Variants in CCDC12 observed in about 807,000 individuals in gnomAD.
CCDC12 encodes coiled-coil domain-containing protein 12.
CCDC12 carries 28 observed loss-of-function variants against 25.7 expected under a neutral mutation model. The ratio of observed to expected loss-of-function variants is 1.09; its 90% CI spans 0.81 to 1.50. The LOEUF is 1.50. Among genes scored for constraint, CCDC12 ranks in the 40% most tolerant of loss-of-function variants. The probability of loss-of-function intolerance (pLI) is 0.00; values close to 1 mark genes in which losing one functional copy is unlikely to be tolerated. For synonymous variants in CCDC12, 75 were observed against 87.7 expected (o/e 0.86, Z 0.81); for missense variants, 198 against 210.0 (o/e 0.94, Z 0.35).
intron 1 of CCDC12, among the ~76,000 whole-genome samples, chr3:46,949,816 C>T (rs904027927): frequency 5.9e-5 from 9 of 152,094 alleles, no homozygotes; most frequent in Admixed American, 3.3e-4. Context: ...ATCATAAGGT[C>T]AGGAGTTCGA....
intron 2 of CCDC12, among the ~76,000 whole-genome samples, chr3:46,939,984 C>A (rs556237166): frequency 6.6e-6 from 1 of 152,170 alleles, no homozygotes; most frequent in South Asian, 2.1e-4. Flanking sequence ...AAGATCTACA[C>A]CCCCCTGTGC....
chr3:46,925,019 C>G, intron 3 of CCDC12: 1 of 347,576 alleles, frequency 2.9e-6, no homozygotes, highest in South Asian at 2.2e-5. Flanking sequence ...TCTCCCCTGC[C>G]TCAGTGCTCC....
intron 2 of CCDC12, among the ~76,000 whole-genome samples, chr3:46,932,572 C>G (rs917061119): frequency 8.5e-5 from 13 of 152,190 alleles, no homozygotes; most frequent in Admixed American, 6.5e-4. Flanking sequence ...CAGCCCACCC[C>G]AAGCCTCCTG....
rs2032803510 is a variant in CCDC12, at chr3:46,923,663, C to A, written c.250G>T (p.Glu84Ter). ...GCCTCCAGCTGCTCCTTCACCTTCT[C>A]CTCCACTAGAGGGTGCAATTAAACA... ...VPQAKPVAVEEKVKEQLEAAK... is the reference protein window; with the variant it reads ...VPQAKPVAVE The change falls in exon 4 of 7, where the codon GAG becomes TAG. Residue 84 changes from glutamate to a stop codon, truncating the protein, a stop_gained. Transcript: ENST00000683445. LOFTEE classifies it high-confidence loss of function. The A allele has an allele frequency of 2.6e-6, 4 of 1,562,312 alleles. No homozygotes were observed. The highest frequency in any genetic ancestry group is 3.5e-6 in the Non-Finnish European group (4 of 1,154,282).
chr3:46,978,747 G>A (rs970869644), upstream of CCDC12, among the ~76,000 whole-genome samples: 1 of 151,998 alleles, frequency 6.6e-6, no homozygotes, highest in Non-Finnish European at 1.5e-5. Flanking sequence ...ACTTTGGGAG[G>A]TCGAGGCGGG....
Position 46,922,048 on chromosome 3 carries a change from G to C in CCDC12, c.*9C>G. ...GGCCTGATGGGCGAGTGGTGGGGCA[G>C]GGCATGCCTCAGTCGGAGTCACAGG... On this transcript the variant is annotated 3_prime_UTR_variant, in exon 7 of 7. Coordinates refer to ENST00000683445, the MANE Select transcript of CCDC12 (RefSeq NM_001277074.2). 6.2e-7 allele frequency: 1 copy of C among 1,613,574 alleles called. No individual in the cohort carries two copies. The highest frequency in any genetic ancestry group is 1.1e-5 in the South Asian group (1 of 91,054).
At chr3:46,975,716 A>G (rs1236718655) in intron 1 of CCDC12, among the ~76,000 whole-genome samples, 1 of 150,870 alleles carries the variant, frequency 6.6e-6, no homozygotes, top group Non-Finnish European at 1.5e-5. Flanking sequence ...TATTTTTAGT[A>G]GAGACAGAGT....
At chr3:46,978,526 C>T (rs1351132640), upstream of CCDC12, among the ~76,000 whole-genome samples, 6 of 141,172 alleles carry the variant, frequency 4.3e-5, no homozygotes, top group Non-Finnish European at 9.3e-5. Context: ...ACCATCACCC[C>T]GTGCCCCTTT....
chr3:46,946,260 G>C (rs4683285), intron 1 of CCDC12, among the ~76,000 whole-genome samples: 143,909 of 152,324 alleles, frequency 0.94, 68,549 homozygotes, highest in East Asian at 1. Flanking sequence ...GAACCCTATC[G>C]TCAAGAATCT....
intron 2 of CCDC12, among the ~76,000 whole-genome samples, chr3:46,937,954 G>C (rs1336158124): frequency 6.6e-6 from 1 of 152,124 alleles, no homozygotes; most frequent in East Asian, 1.9e-4. Flanking sequence ...AGGCTTCCTG[G>C]CAACCAAGGG....
At chr3:46,936,240 G>T (rs1394259054) in intron 2 of CCDC12, among the ~76,000 whole-genome samples, 3 of 152,196 alleles carry the variant, frequency 2.0e-5, no homozygotes, top group African/African-American at 7.2e-5. Context: ...TCTACAAAGT[G>T]GTTCCTAATC....
At chr3:46,944,522 C>T (rs2033831233) in intron 1 of CCDC12, among the ~76,000 whole-genome samples, 1 of 152,060 alleles carries the variant, frequency 6.6e-6, no homozygotes, top group Non-Finnish European at 1.5e-5. Flanking sequence ...ACCCTGAGAC[C>T]TTTAAATCAG....
At chr3:46,966,081 C>T (rs1187257068) in intron 1 of CCDC12, 1 of 152,362 alleles carries the variant, frequency 6.6e-6, no homozygotes, top group African/African-American at 2.4e-5. Context: ...GCCAGCCTGA[C>T]CCAGAAGCAG....
intron 6 of CCDC12, 39 bp from the exon 7 acceptor site, chr3:46,922,178 C>T (rs1207235504): frequency 1.9e-5 from 30 of 1,613,964 alleles, no homozygotes; most frequent in Non-Finnish European, 2.5e-5. Context: ...GGGAGGGGCC[C>T]GGTGCTTGGG....
rs2032691264 is a variant in CCDC12 at position 46,921,833 on chromosome 3, C to G, written c.*224G>C. 1 of 594,286 alleles carries G rather than the reference C, an allele frequency of 1.7e-6. No homozygotes were observed. Among genetic ancestry groups the G allele is most frequent in the Non-Finnish European group, 3.0e-6 (1 of 332,968 alleles). The allele number at this position is 594,286 out of a possible 1,614,324, so 36.8% of individuals were successfully genotyped here. The stretch of plus-strand genomic sequence containing the variant: ...ATATGTACATCCACATGTGCAGACA[C>G]AGGCACGCCCAGAGTTGTTGCTGGT... On this transcript the variant is annotated 3_prime_UTR_variant, in exon 7 of 7. Coordinates refer to ENST00000683445, the MANE Select transcript of CCDC12 (RefSeq NM_001277074.2).
chr3:46,925,833 T>C (rs1372963444), intron 2 of CCDC12, among the ~76,000 whole-genome samples: 1 of 152,248 alleles, frequency 6.6e-6, no homozygotes, highest in Admixed American at 6.5e-5. Flanking sequence ...GTGTCTCTCC[T>C]GGATCATCCC....
At chr3:46,962,815 T>C (rs1008693188) in intron 1 of CCDC12, among the ~76,000 whole-genome samples, 24 of 152,224 alleles carry the variant, frequency 1.6e-4, no homozygotes, top group African/African-American at 5.5e-4. Context: ...TGTTTGACAG[T>C]ATCTGTCCTA....
At chr3:46,954,919 T>C (rs2034240828) in intron 1 of CCDC12, among the ~76,000 whole-genome samples, 1 of 152,026 alleles carries the variant, frequency 6.6e-6, no homozygotes, top group South Asian at 2.1e-4. Context: ...CGAAACTCCG[T>C]CTGAAAAAAA....
chr3:46,976,910 C>T, upstream of CCDC12: 1 of 1,089,452 alleles, frequency 9.2e-7, no homozygotes, highest in Non-Finnish European at 1.2e-6. Context: ...CCCGCCCCGC[C>T]CCGCCCTTAT....
Sources: allele counts gnomAD v4.1 joint callset (sites outside exome capture counted in the v4.1 genomes callset), GRCh38; gene constraint gnomAD v4.1.1; transcripts MANE v1.5; gene names NCBI Gene and HGNC (gene_info 2026-07-23, HGNC 2026-07-21).